The following CACNB2 variants were observed in gnomAD, a reference collection of about 807,000 sequenced individuals.
CACNB2 encodes the protein voltage-dependent L-type calcium channel subunit beta-2.
CACNB2 carries 42 observed loss-of-function variants against 73.3 expected under a neutral mutation model. The ratio of observed to expected loss-of-function variants is 0.57; its 90% CI spans 0.45 to 0.74. CACNB2 has a LOEUF of 0.74. CACNB2 is among the 30% of genes least tolerant of loss of function. The pLI, the probability that CACNB2 is intolerant of heterozygous loss-of-function variation, is 0.00. For synonymous variants in CACNB2, 348 were observed against 310.3 expected (o/e 1.12, Z -1.28); for missense variants, 940 against 853.0 (o/e 1.10, Z -1.27).
chr10:18,435,929 T>G (rs1223498189), intron 3 of CACNB2, among the ~76,000 whole-genome samples: 1 of 150,952 alleles, frequency 6.6e-6, no homozygotes, highest in East Asian at 2.0e-4. Context: ...TGATCCTCTT[T>G]GGAGGGCCCA....
Position 18,340,980 on chromosome 10 carries a change from A to G in CACNB2, c.214-60944A>G, listed in dbSNP as rs962417653. On this transcript the variant is annotated intron_variant, in intron 2 of 13. Coordinates refer to ENST00000324631, the MANE Select transcript of CACNB2 (RefSeq NM_201596.3). The stretch of plus-strand genomic sequence containing the variant: ...AAACTAAATACATTATTCCTGGGGT[A>G]AGCATACGGGAGAGAAGCCGGCCAG... 4 of 1,614,106 alleles carry G rather than the reference A, an allele frequency of 2.5e-6. No homozygotes were observed. The East Asian group carries it at 8.9e-5, about 36-fold the overall frequency.
chr10:18,293,873 A>G (rs1554786770), intron 2 of CACNB2, among the ~76,000 whole-genome samples: 1 of 152,182 alleles, frequency 6.6e-6, no homozygotes, highest in Non-Finnish European at 1.5e-5. Context: ...TTTAGGGCAT[A>G]GAGAGAGAGA....
chr10:18,145,302 C>T (rs1308110991), intron 1 of CACNB2, among the ~76,000 whole-genome samples: 4 of 152,190 alleles, frequency 2.6e-5, no homozygotes, highest in African/African-American at 4.8e-5. Context: ...TCTTAGGTCC[C>T]GTGTGCAAAT....
At chr10:18,227,101 C>T (rs775615608) in intron 2 of CACNB2, among the ~76,000 whole-genome samples, 1 of 152,084 alleles carries the variant, frequency 6.6e-6, no homozygotes, top group Non-Finnish European at 1.5e-5. Context: ...TAAAACAACA[C>T]GTTTTCTGAA....
chr10:18,212,728 C>A (rs2131357703), intron 2 of CACNB2, among the ~76,000 whole-genome samples: 1 of 152,140 alleles, frequency 6.6e-6, no homozygotes, highest in South Asian at 2.1e-4. Flanking sequence ...CAAGTGCAAC[C>A]CTGTCATATA....
At chr10:18,267,640 G>C (rs1387107367) in intron 2 of CACNB2, among the ~76,000 whole-genome samples, 1 of 152,080 alleles carries the variant, frequency 6.6e-6, no homozygotes, top group Non-Finnish European at 1.5e-5. Flanking sequence ...AGGGAAATGA[G>C]GTAAACTTTC....
intron 2 of CACNB2, among the ~76,000 whole-genome samples, chr10:18,385,571 GAGCCGAGATCGTGCCA>G (rs957519343): frequency 2.5e-4 from 37 of 148,102 alleles, no homozygotes; most frequent in Non-Finnish European, 3.6e-4. Context: ...AGCTTGTGGT[GAGCCGAGATCGTGCCA>G]AGCCGAGATC....
intron 2 of CACNB2, among the ~76,000 whole-genome samples, chr10:18,369,569 TA>T (rs1413059418): frequency 2.0e-5 from 3 of 152,188 alleles, no homozygotes; most frequent in Admixed American, 6.5e-5. Context: ...TATATTTCCT[TA>T]TTGTGTCTTG....
chr10:18,147,294 A>G (rs2031083098), intron 1 of CACNB2, among the ~76,000 whole-genome samples: 1 of 152,126 alleles, frequency 6.6e-6, no homozygotes, highest in African/African-American at 2.4e-5. Flanking sequence ...TCATTAATAT[A>G]TTTTTGGAAA....
intron 2 of CACNB2, among the ~76,000 whole-genome samples, chr10:18,387,372 G>T (rs923698579): frequency 6.6e-6 from 1 of 152,114 alleles, no homozygotes; most frequent in Non-Finnish European, 1.5e-5. Flanking sequence ...CAGCCTCTGT[G>T]ATGTGTCTCC....
At chr10:18,498,111 T>A (rs1341135268) in intron 3 of CACNB2, among the ~76,000 whole-genome samples, 1 of 152,208 alleles carries the variant, frequency 6.6e-6, no homozygotes, top group Non-Finnish European at 1.5e-5. Context: ...CCTTCATTAC[T>A]TGTAGTGCTT....
Position 18,237,683 on chromosome 10 carries a change from T to C in CACNB2, c.213+86708T>C, listed in dbSNP as rs938938001. On this transcript the variant is annotated intron_variant, in intron 2 of 13. Coordinates refer to ENST00000324631, the MANE Select transcript of CACNB2 (RefSeq NM_201596.3). ...TTTGAACTTGATCTTGACGTTGGAA[T>C]GGTTCTTCAGGTGCATCAACAAAGA... Among the ~76,000 whole-genome samples the C allele has an allele frequency of 3.3e-5, 5 of 152,318 alleles. No individual in the cohort carries two copies. In the East Asian group the frequency reaches 7.7e-4, roughly 24 times the overall value.
intron 2 of CACNB2, among the ~76,000 whole-genome samples, chr10:18,217,459 G>C (rs1187220919): frequency 1.3e-5 from 2 of 152,022 alleles, no homozygotes; most frequent in African/African-American, 4.8e-5. Context: ...ACTCCAGCCT[G>C]GGCGACAGAG....
chr10:18,351,428 A>G (rs912176033), intron 2 of CACNB2, among the ~76,000 whole-genome samples: 14 of 152,216 alleles, frequency 9.2e-5, no homozygotes, highest in African/African-American at 2.4e-4. Flanking sequence ...GCTATATACA[A>G]TGATTACTGT....
intron 3 of CACNB2, among the ~76,000 whole-genome samples, chr10:18,454,979 C>G (rs2047204268): frequency 6.6e-6 from 1 of 151,118 alleles, no homozygotes; most frequent in Non-Finnish European, 1.5e-5. Flanking sequence ...GAGTTCAAGG[C>G]TGCAGTGAGC....
Position 18,345,506 on chromosome 10 carries a change from C to T in CACNB2, c.214-56418C>T, listed in dbSNP as rs535762973. Among the ~76,000 whole-genome samples, 6 of 152,242 alleles carry T rather than the reference C, an allele frequency of 3.9e-5. No homozygotes were observed. The East Asian group carries it at 1.2e-3, about 29-fold the overall frequency. ...TTTTTATTTGTTGGATATTAACAGG[C>T]TTTCCCTCTCTCACCTTGGAACTCC... On this transcript the variant is annotated intron_variant, in intron 2 of 13. Transcript: ENST00000324631.
At chr10:18,411,875 A>T (rs147407450) in intron 3 of CACNB2, among the ~76,000 whole-genome samples, 2 of 152,318 alleles carry the variant, frequency 1.3e-5, no homozygotes, top group African/African-American at 4.8e-5. Context: ...TGATGACTAC[A>T]CTATCAGCAA....
intron 1 of CACNB2, among the ~76,000 whole-genome samples, chr10:18,143,916 T>C (rs867754889): frequency 3.9e-5 from 6 of 152,350 alleles, no homozygotes; most frequent in Middle Eastern, 3.4e-3. Context: ...GCAGAAGATG[T>C]AGATTTGCAA....
At position 18,443,895 on chromosome 10, in the gene CACNB2, AAT is replaced by A. The variant is rs1215735481; in HGVS notation, c.333+41854_333+41855del. 3.3e-5 allele frequency among the ~76,000 whole-genome samples: 5 copies of A among 151,800 alleles called. No individual in the cohort carries two copies. In the East Asian group the frequency reaches 9.7e-4, roughly 29 times the overall value. ...ACACCTAGCTAATTTTTGTATTTTT[AAT>A]AGAGACGAGGTTTCGCCATGTTGGC... On this transcript the variant is annotated intron_variant, in intron 3 of 13. Coordinates refer to ENST00000324631, the MANE Select transcript of CACNB2 (RefSeq NM_201596.3).
Sources: allele counts gnomAD v4.1 joint callset (sites outside exome capture counted in the v4.1 genomes callset), GRCh38; gene constraint gnomAD v4.1.1; transcripts MANE v1.5; gene names NCBI Gene and HGNC (gene_info 2026-07-23, HGNC 2026-07-21).